The following STX7 variants were observed in gnomAD, a reference collection of about 807,000 sequenced individuals.
The protein encoded by STX7 is syntaxin-7.
In STX7, 34 loss-of-function variants were observed where a neutral mutation model predicts 39.6. That is an observed-to-expected ratio of 0.86 (90% confidence interval 0.65 to 1.14). The LOEUF is 1.14. Among genes scored for constraint, STX7 ranks in the 50% most tolerant of loss-of-function variants. STX7 has a pLI of 0.00. For missense variants in STX7, 284 were observed against 310.4 expected, an observed-to-expected ratio of 0.92 and a Z score of 0.64; for synonymous variants, 119 against 99.1, an observed-to-expected ratio of 1.20 and a Z score of -1.19.
At chr6:132,477,004 T>C (rs1024859382) in intron 2 of STX7, among the ~76,000 whole-genome samples, 1 of 152,160 alleles carries the variant, frequency 6.6e-6, no homozygotes, top group Non-Finnish European at 1.5e-5. Context: ...ATTATTTACA[T>C]GCTCAAGGGA....
chr6:132,510,086 G>A (rs865835938), intron 1 of STX7, among the ~76,000 whole-genome samples: 7 of 152,190 alleles, frequency 4.6e-5, no homozygotes, highest in East Asian at 1.9e-4. Context: ...GAAGGATGGC[G>A]GGAAGGGGAT....
At chr6:132,498,506 G>C (rs1180831775) in intron 2 of STX7, among the ~76,000 whole-genome samples, 1 of 152,040 alleles carries the variant, frequency 6.6e-6, no homozygotes, top group Non-Finnish European at 1.5e-5. Context: ...CTTTCCCACT[G>C]CAACACTCAA....
In STX7 at chr6:132,446,284, A is replaced by G. The variant is rs1253665510; in HGVS notation, c.*14474T>C. On this transcript the variant is annotated 3_prime_UTR_variant, in exon 10 of 10. Coordinates refer to ENST00000367941, the MANE Select transcript of STX7 (RefSeq NM_003569.3). ...ATCATTCATCTTCTCGAGGCCAAGT[A>G]CTTGGTCTGAACACAGAGTCACTTG... The G allele has an allele frequency of 6.6e-6, 1 of 152,188 alleles. No individual in the cohort carries two copies. Among genetic ancestry groups the G allele is most frequent in the Non-Finnish European group, 1.5e-5 (1 of 68,018 alleles). 9.4% of individuals were successfully genotyped at this position (152,188 alleles called of 1,614,324 possible).
At position 132,503,491 on chromosome 6, in the gene STX7, A is replaced by G. The variant is rs775147666; in HGVS notation, c.40T>C (p.Leu14=). The change falls in exon 2 of 10, where the codon TTG becomes CTG. Residue 14 remains leucine (L), a synonymous_variant. Coordinates refer to ENST00000367941, the MANE Select transcript of STX7 (RefSeq NM_003569.3). ...ATGTTAGAAGAGATCCTCTGGGCCAACTGGGCGGGGTCACCACCAACTCCT... is the reference window on the plus strand; with the variant it reads ...ATGTTAGAAGAGATCCTCTGGGCCAGCTGGGCGGGGTCACCACCAACTCCT... The part of the protein sequence containing the change: ...TPGVGGDPAQ[L]AQRISSNIQK... 5.0e-6 allele frequency: 8 copies of G among 1,614,020 alleles called. No individual in the cohort carries two copies. The African/African-American group carries it at 5.3e-5, about 11-fold the overall frequency.
intron 3 of STX7, 88 bp from the exon 4 acceptor site, chr6:132,472,463 A>G: frequency 1.0e-6 from 1 of 995,382 alleles, no homozygotes; most frequent in Non-Finnish European, 1.4e-6. Flanking sequence ...ACTGATAAAC[A>G]GTTGTACAAA....
intron 2 of STX7, among the ~76,000 whole-genome samples, chr6:132,493,397 A>G (rs1775343714): frequency 1.3e-5 from 2 of 152,158 alleles, no homozygotes; most frequent in Admixed American, 1.3e-4. Flanking sequence ...CACAACTCCC[A>G]CATGTTGTGA....
intron 2 of STX7, among the ~76,000 whole-genome samples, chr6:132,493,338 T>C (rs1775342231): frequency 1.3e-5 from 2 of 152,190 alleles, no homozygotes; most frequent in Non-Finnish European, 2.9e-5. Context: ...CACTGTTTGA[T>C]ATGGTTTGGC....
Position 132,445,883 on chromosome 6 carries a change from CAG to C in STX7, c.*14873_*14874del, listed in dbSNP as rs745891131. On this transcript the variant is annotated 3_prime_UTR_variant, in exon 10 of 10. Transcript: ENST00000367941. ...ATGAAGCCATTTTCATTTCAGTATT[CAG>C]AGTTTTATAACATTTTGAAAAAGTA... is the stretch of plus-strand genomic sequence containing the variant. 7.9e-5 allele frequency: 12 copies of C among 152,130 alleles called. No individual in the cohort carries two copies. Among genetic ancestry groups the C allele is most frequent in the Non-Finnish European group, 1.2e-4 (8 of 68,012 alleles). The allele number at this position is 152,130 out of a possible 1,614,324, so 9.4% of individuals were successfully genotyped here.
At chr6:132,466,179 C>T (rs1774560171) in intron 8 of STX7, among the ~76,000 whole-genome samples, 1 of 152,142 alleles carries the variant, frequency 6.6e-6, no homozygotes, top group South Asian at 2.1e-4. Flanking sequence ...GTCACCTATG[C>T]CCTACACACT....
Position 132,459,543 on chromosome 6 carries a change from A to G in STX7, c.*1215T>C, listed in dbSNP as rs991213492. The G allele has an allele frequency of 6.6e-6, 1 of 152,280 alleles. No homozygotes were observed. Among genetic ancestry groups the G allele is most frequent in the African/African-American group, 2.4e-5 (1 of 41,578 alleles). 9.4% of individuals were successfully genotyped at this position (152,280 alleles called of 1,614,324 possible). On this transcript the variant is annotated 3_prime_UTR_variant, in exon 10 of 10. Transcript: ENST00000367941. ...TTTAACTCATCTTTATTTTGGTTGC[A>G]AAGATGTGGTTTACTTAGCTACTTA...
At chr6:132,464,325 C>T (rs1774502936) in intron 8 of STX7, among the ~76,000 whole-genome samples, 1 of 152,144 alleles carries the variant, frequency 6.6e-6, no homozygotes, top group African/African-American at 2.4e-5. Flanking sequence ...CATTACAGAG[C>T]AACTCCAGCT....
chr6:132,478,744 C>A (rs1007629069), intron 2 of STX7, among the ~76,000 whole-genome samples: 3 of 152,208 alleles, frequency 2.0e-5, no homozygotes, highest in African/African-American at 7.2e-5. Flanking sequence ...CAGAGCATCA[C>A]AATCTCTAGC....
intron 8 of STX7, among the ~76,000 whole-genome samples, chr6:132,467,001 C>T (rs1774581155): frequency 6.6e-6 from 1 of 152,138 alleles, no homozygotes; most frequent in African/African-American, 2.4e-5. Context: ...TAGTTCCATC[C>T]TAATCCAAGC....
chr6:132,460,618 A>C lies in STX7; in HGVS notation c.*140T>G. On this transcript the variant is annotated 3_prime_UTR_variant, in exon 10 of 10. Transcript: ENST00000367941. The stretch of plus-strand genomic sequence containing the variant: ...AGATTTAATCCAAAGGAACCACCCC[A>C]ACCCCCCCAATAAAAATAACAAAGT... 4 of 566,972 alleles carry C rather than the reference A, an allele frequency of 7.1e-6. No homozygotes were observed. The highest frequency in any genetic ancestry group is 5.8e-6 in the Non-Finnish European group (2 of 345,142). 35.1% of individuals were successfully genotyped at this position (566,972 alleles called of 1,614,324 possible).
chr6:132,464,965 C>T (rs368075734), intron 8 of STX7, among the ~76,000 whole-genome samples: 1 of 152,160 alleles, frequency 6.6e-6, no homozygotes, highest in Admixed American at 6.5e-5. Flanking sequence ...AGCTTTAAGG[C>T]TCATGCTATC....
chr6:132,471,735 G>GAATGTTACTGAGAGT, intron 4 of STX7, 135 bp from the exon 5 acceptor site: 3 of 972,568 alleles, frequency 3.1e-6, no homozygotes, highest in Non-Finnish European at 3.0e-6. Flanking sequence ...TTAACTCTCA[G>GAATGTTACTGAGAGT]TAACATTCTG....
intron 3 of STX7, among the ~76,000 whole-genome samples, chr6:132,473,461 A>C (rs1774786849): frequency 6.6e-6 from 1 of 151,526 alleles, no homozygotes; most frequent in Admixed American, 6.6e-5. Flanking sequence ...CAATAATGTA[A>C]ATGCTATGTA....
chr6:132,501,877 T>TA lies in STX7; in HGVS notation c.85+1568dup, dbSNP rs373209326. On this transcript the variant is annotated intron_variant, in intron 2 of 9. Transcript: ENST00000367941. ...TTCTAACCAGCAGCAAGGGAGCCAT[T>TA]AAAAAAAAAAAAGAAAAGGAAAGAG... Among the ~76,000 whole-genome samples the TA allele has an allele frequency of 3.8e-3, 539 of 142,670 alleles. 11 individuals are homozygous for TA. The South Asian group carries it at 0.074, about 20-fold the overall frequency. 93.6% of individuals were successfully genotyped at this position (142,670 alleles called of 152,430 possible).
At chr6:132,505,750 A>AAC in intron 1 of STX7, among the ~76,000 whole-genome samples, 1 of 148,374 alleles carries the variant, frequency 6.7e-6, no homozygotes, top group African/African-American at 2.5e-5. Context: ...AAAAAAAAAA[A>AAC]AAAAAAAAAA....
Sources: allele counts gnomAD v4.1 joint callset (sites outside exome capture counted in the v4.1 genomes callset), GRCh38; gene constraint gnomAD v4.1.1; transcripts MANE v1.5; gene names NCBI Gene and HGNC (gene_info 2026-07-23, HGNC 2026-07-21).